Variants in SLC47A2 observed in about 807,000 individuals in gnomAD.
The protein encoded by SLC47A2 is solute carrier family 47 member 2.
A neutral mutation model predicts 67.7 loss-of-function variants in SLC47A2; 52 were observed. The observed-to-expected ratio is 0.77, with a 90% CI of 0.61 to 0.97. SLC47A2 has a LOEUF of 0.97. SLC47A2 is among the 50% of genes least tolerant of loss of function. The probability of loss-of-function intolerance (pLI) is 0.00; values close to 1 mark genes in which losing one functional copy is unlikely to be tolerated. For synonymous variants in SLC47A2, 278 were observed against 292.9 expected, an observed-to-expected ratio of 0.95 and a Z score of 0.52; for missense variants, 676 against 712.3, an observed-to-expected ratio of 0.95 and a Z score of 0.58.
At chr17:19,701,563 A>G (rs2085787707) in intron 13 of SLC47A2, among the ~76,000 whole-genome samples, 2 of 152,214 alleles carry the variant, frequency 1.3e-5, no homozygotes, top group South Asian at 4.1e-4. Context: ...ATGGGAATGT[A>G]TGCAAGGGGT....
At chr17:19,689,964 G>A (rs1371605232) in intron 13 of SLC47A2, among the ~76,000 whole-genome samples, 1 of 151,980 alleles carries the variant, frequency 6.6e-6, no homozygotes, top group Non-Finnish European at 1.5e-5. Context: ...AATAGCTAAA[G>A]CCATCCTGAG....
intron 13 of SLC47A2, chr17:19,692,340 A>C (rs1263913168): frequency 2.4e-6 from 1 of 417,330 alleles, no homozygotes; most frequent in East Asian, 7.6e-5. Flanking sequence ...TAGATTACCA[A>C]AATCAGAAAT....
At chr17:19,708,462 C>G (rs1394282728) in intron 6 of SLC47A2, 63 bp from the exon 7 acceptor site, 1 of 1,614,144 alleles carries the variant, frequency 6.2e-7, no homozygotes, top group Admixed American at 1.7e-5. Context: ...ATGGACAAAC[C>G]CGGGGTTTGG....
intron 9 of SLC47A2, 82 bp from the exon 10 acceptor site, chr17:19,705,585 G>C (rs1186864114): frequency 6.7e-6 from 9 of 1,350,638 alleles, no homozygotes; most frequent in Non-Finnish European, 8.9e-6. Context: ...CTTTGCTTTG[G>C]GGACTCAGGG....
Position 19,702,605 on chromosome 17 carries a change from A to G in SLC47A2, c.1164T>C (p.Cys388=). ...YSVFHVFEAI[C]CVYGGVLRGT... is the part of the protein sequence containing the mutation. Reference sequence around the variant, plus strand: ...GGCTTTGGATCAAAGTGGTACTTACACAGATGGCCTCAAACACGTGAAAGA... The same window carrying G: ...GGCTTTGGATCAAAGTGGTACTTACGCAGATGGCCTCAAACACGTGAAAGA... The change falls in exon 13 of 17, where the codon TGT becomes TGC. Residue 388 remains cysteine (C), a splice_region_variant and synonymous_variant. Coordinates refer to ENST00000433844, the MANE Select transcript of SLC47A2 (RefSeq NM_001099646.3). 1 of 1,613,944 alleles carries G rather than the reference A, an allele frequency of 6.2e-7. No individual in the cohort carries two copies. The highest frequency in any genetic ancestry group is 8.5e-7 in the Non-Finnish European group (1 of 1,179,970).
At chr17:19,696,460 CAA>C (rs35606212) in intron 13 of SLC47A2, among the ~76,000 whole-genome samples, 29,238 of 110,590 alleles carry the variant, frequency 0.26, 2,970 homozygotes, top group East Asian at 0.5. Flanking sequence ...GACTCCATCT[CAA>C]AAAAAAAAAA....
At chr17:19,693,611 A>AAATAATAAT (rs61226037) in intron 13 of SLC47A2, among the ~76,000 whole-genome samples, 1,666 of 146,326 alleles carry the variant, frequency 0.011, 24 homozygotes, top group East Asian at 0.053. Context: ...TCTCTACTAA[A>AAATAATAAT]AATAATAATA....
intron 10 of SLC47A2, 36 bp downstream of exon 10, chr17:19,705,400 G>T: frequency 6.3e-7 from 1 of 1,589,838 alleles, no homozygotes; most frequent in Non-Finnish European, 8.6e-7. Context: ...CCATCAGGTG[G>T]GGGATGTGGG....
intron 9 of SLC47A2, 130 bp from the exon 10 acceptor site, chr17:19,705,633 T>C: frequency 1.2e-6 from 1 of 817,766 alleles, no homozygotes; most frequent in Non-Finnish European, 1.8e-6. Flanking sequence ...AGGGTCTCAC[T>C]CTGTCGCTTG....
At chr17:19,681,983 G>C (rs1230406012) in intron 13 of SLC47A2, among the ~76,000 whole-genome samples, 2 of 152,224 alleles carry the variant, frequency 1.3e-5, no homozygotes, top group Non-Finnish European at 2.9e-5. Context: ...TGGTCTGGGA[G>C]ACTGGACTAA....
upstream of SLC47A2, chr17:19,718,630 A>G (rs1162600993): frequency 6.6e-6 from 1 of 152,226 alleles, no homozygotes; most frequent in Non-Finnish European, 1.5e-5. Flanking sequence ...TTCTTCGGGA[A>G]GACACTCTCC....
chr17:19,678,577 C>T lies in SLC47A2; in HGVS notation c.*109G>A. The T allele has an allele frequency of 1.7e-6, 2 of 1,172,440 alleles. No individual in the cohort carries two copies. The highest frequency in any genetic ancestry group is 2.4e-5 in the East Asian group (1 of 42,096). 72.6% of individuals were successfully genotyped at this position (1,172,440 alleles called of 1,614,324 possible). On this transcript the variant is annotated 3_prime_UTR_variant, in exon 17 of 17. Transcript: ENST00000433844. ...AAAGTTCTTTTTTTGAGGAGTGGTT[C>T]AAAGTGTCCACCTGCACTAGACCCC...
chr17:19,708,363 C>T lies in SLC47A2; in HGVS notation c.568G>A (p.Gly190Ser). 6.2e-7 allele frequency: 1 copy of T among 1,613,942 alleles called. No individual in the cohort carries two copies. Among genetic ancestry groups the T allele is most frequent in the South Asian group, 1.1e-5 (1 of 91,068 alleles). Reference protein sequence around the residue: ...TWPQVLSGVVGNCVNGVANYA... With the variant: ...TWPQVLSGVVSNCVNGVANYA... ...TTGGCCACACCGTTGACACAGTTGC[C>T]CACCACACCACTGAGGACTTGGGGC... is the stretch of plus-strand genomic sequence containing the variant. Residue 190 changes from glycine (G) to serine (S), a missense_variant, in exon 7 of 17, where the codon GGC (glycine) becomes AGC (serine). Physicochemically the swap from Gly to Ser is moderately conservative, Grantham distance 56 (BLOSUM62 0). Transcript: ENST00000433844.
At chr17:19,679,652 TG>T (rs1567612924) in intron 16 of SLC47A2, among the ~76,000 whole-genome samples, 1 of 151,976 alleles carries the variant, frequency 6.6e-6, no homozygotes. Context: ...TTACAAGTTG[TG>T]GGATGAGGGA....
intron 1 of SLC47A2, 156 bp downstream of exon 1, chr17:19,716,277 G>A: frequency 8.3e-7 from 1 of 1,205,496 alleles, no homozygotes; most frequent in Non-Finnish European, 1.1e-6. Flanking sequence ...GCTTTCAGGA[G>A]CCATCCTGCT....
intron 13 of SLC47A2, among the ~76,000 whole-genome samples, chr17:19,699,568 AT>A (rs891668396): frequency 1.3e-5 from 2 of 151,314 alleles, no homozygotes; most frequent in African/African-American, 2.4e-5. Flanking sequence ...CCCCCAGCTA[AT>A]TTTTAAAAAC....
intron 13 of SLC47A2, among the ~76,000 whole-genome samples, chr17:19,686,451 C>A (rs2085430810): frequency 6.6e-6 from 1 of 152,122 alleles, no homozygotes; most frequent in African/African-American, 2.4e-5. Context: ...CCTAACTTAT[C>A]AATAATAACA....
chr17:19,706,795 C>T, intron 8 of SLC47A2, 34 bp from the exon 9 acceptor site: 13 of 1,528,280 alleles, frequency 8.5e-6, no homozygotes, highest in Non-Finnish European at 1.2e-5. Context: ...TGACAGCCTG[C>T]CCTGCTTGCC....
upstream of SLC47A2, chr17:19,716,828 G>A (rs1212398846): frequency 6.8e-6 from 3 of 441,004 alleles, no homozygotes; most frequent in Non-Finnish European, 1.2e-5. Flanking sequence ...CTCCCAGAGG[G>A]ATTGGCAGTA....
Sources: allele counts gnomAD v4.1 joint callset (sites outside exome capture counted in the v4.1 genomes callset), GRCh38; gene constraint gnomAD v4.1.1; transcripts MANE v1.5; gene names NCBI Gene and HGNC (gene_info 2026-07-23, HGNC 2026-07-21).